Variants in COX7B observed in about 807,000 individuals in gnomAD.
COX7B encodes cytochrome c oxidase subunit 7B, mitochondrial.
In COX7B, 2 loss-of-function variants were observed where a neutral mutation model predicts 7.9. That is an observed-to-expected ratio of 0.25 (90% CI 0.10 to 0.79). The LOEUF (loss-of-function observed/expected upper bound fraction) is 0.79, where lower values mean the gene tolerates loss of function less well. COX7B is among the 30% of genes least tolerant of loss of function. The pLI is 0.69. For missense variants in COX7B, 54 were observed against 62.7 expected, an observed-to-expected ratio of 0.86 and a Z score of 0.47; for synonymous variants, 19 against 21.1, an observed-to-expected ratio of 0.90 and a Z score of 0.27.
intron 1 of COX7B, among the ~76,000 whole-genome samples, chrX:77,900,330 A>G (rs1249095873): frequency 8.9e-6 from 1 of 112,053 alleles, no homozygotes; most frequent in African/African-American, 3.2e-5. Flanking sequence ...CTGCTACTGC[A>G]CTCCAGCCTG....
At chrX:77,899,668 C>T in intron 1 of COX7B, 75 bp downstream of exon 1, 1 of 982,884 alleles carries the variant, frequency 1.0e-6, no homozygotes, top group East Asian at 3.1e-5. Flanking sequence ...GTGTGCTTTC[C>T]TTTTACGAAC....
rs1557221030 is a variant in COX7B, at chrX:77,905,275, T to C, written c.*14T>C. On this transcript the variant is annotated 3_prime_UTR_variant, in exon 3 of 3. Coordinates refer to ENST00000650309, the MANE Select transcript of COX7B (RefSeq NM_001866.3). ...AGGAATCAGTAATCATCCCAGCTGG[T>C]GTAATAATGAATTGTTTAAAAAACA... The C allele has an allele frequency of 8.6e-7, 1 of 1,169,280 alleles. No individual in the cohort carries two copies. Among genetic ancestry groups the C allele is most frequent in the Non-Finnish European group, 1.2e-6 (1 of 858,657 alleles).
rs1009278157 is a variant in COX7B, at chrX:77,906,991, G to T, written c.*1730G>T. Reference sequence around the variant, plus strand: ...TGGTAGTTGTTTTGTTTTGTTTTTTGTTTTTTTTTTGTAGTTTTCTTGATC... The same window carrying T: ...TGGTAGTTGTTTTGTTTTGTTTTTTTTTTTTTTTTTGTAGTTTTCTTGATC... On this transcript the variant is annotated 3_prime_UTR_variant, in exon 3 of 3. Coordinates refer to ENST00000650309, the MANE Select transcript of COX7B (RefSeq NM_001866.3). The T allele has an allele frequency of 9.6e-6, 1 of 103,924 alleles. No individual in the cohort carries two copies. Among genetic ancestry groups the T allele is most frequent in the African/African-American group, 3.5e-5 (1 of 28,557 alleles). The allele number at this position is 103,924 out of a possible 1,213,427, so 8.6% of individuals were successfully genotyped here.
At position 77,905,205 on chromosome X, in the gene COX7B, G is replaced by C; in HGVS notation, c.187G>C (p.Glu63Gln). The C allele has an allele frequency of 8.3e-7, 1 of 1,209,949 alleles. No homozygotes were observed. Among genetic ancestry groups the C allele is most frequent in the South Asian group, 1.8e-5 (1 of 56,957 alleles). ...ACAGGTAGCAACACAAGTCGGAATA[G>C]AATGGAACCTGTCCCCTGTTGGCAG... Reference protein sequence around the residue: ...WTYVATQVGIEWNLSPVGRVT... With the variant: ...WTYVATQVGIQWNLSPVGRVT... Residue 63 changes from glutamate to glutamine, a missense_variant, in exon 3 of 3, where the codon GAA becomes CAA. Transcript: ENST00000650309.
At chrX:77,900,973 T>C (rs1195055141) in intron 1 of COX7B, among the ~76,000 whole-genome samples, 1 of 112,176 alleles carries the variant, frequency 8.9e-6, no homozygotes, top group Non-Finnish European at 1.9e-5. Context: ...TTAATTTCTT[T>C]GCTCTTTGAG....
At position 77,899,628 on chromosome X, in the gene COX7B, C is replaced by G. The variant is rs782351434; in HGVS notation, c.40+35C>G. 3 of 1,187,631 alleles carry G rather than the reference C, an allele frequency of 2.5e-6. No individual in the cohort carries two copies. The Admixed American group carries it at 6.6e-5, about 26-fold the overall frequency. On this transcript the variant is annotated intron_variant, in intron 1 of 2. Transcript: ENST00000650309. Reference sequence around the variant, plus strand: ...AATTATGACAAATCATTTACAACAACCTTATATCAATGTGTCCTCGCGGCC... The same window carrying G: ...AATTATGACAAATCATTTACAACAAGCTTATATCAATGTGTCCTCGCGGCC...
intron 2 of COX7B, among the ~76,000 whole-genome samples, chrX:77,904,868 T>C (rs782472835): frequency 2.7e-5 from 3 of 111,825 alleles, no homozygotes; most frequent in Non-Finnish European, 5.6e-5. Flanking sequence ...TTAAATAAAA[T>C]TTAAAAATTC....
chrX:77,901,940 T>C (rs1346385428), intron 1 of COX7B: 26 of 111,475 alleles, frequency 2.3e-4, no homozygotes, highest in Non-Finnish European at 3.0e-4. Flanking sequence ...CTCACTATGT[T>C]TCACAGACTG....
intron 1 of COX7B, among the ~76,000 whole-genome samples, chrX:77,900,681 A>G (rs1426904289): frequency 8.9e-6 from 1 of 112,850 alleles, no homozygotes; most frequent in African/African-American, 3.2e-5. Context: ...AACTTTGAAA[A>G]TAACCACAAA....
rs927666304 is a variant in COX7B at position 77,907,095 on chromosome X, A to G, written c.*1834A>G. 2.7e-5 allele frequency: 3 copies of G among 111,342 alleles called. No homozygotes were observed. The South Asian group carries it at 1.1e-3, about 42-fold the overall frequency. 9.2% of individuals were successfully genotyped at this position (111,342 alleles called of 1,213,427 possible). ...CTAAATTATCTTTTGCTTATTACATAGAGTGCTAGAAGTATGCTGTCATGG... is the reference window on the plus strand; with the variant it reads ...CTAAATTATCTTTTGCTTATTACATGGAGTGCTAGAAGTATGCTGTCATGG... On this transcript the variant is annotated 3_prime_UTR_variant, in exon 3 of 3. Transcript: ENST00000650309.
intron 1 of COX7B, among the ~76,000 whole-genome samples, chrX:77,901,021 G>T (rs782323347): frequency 1.9e-5 from 2 of 107,442 alleles, no homozygotes; most frequent in Non-Finnish European, 3.9e-5. Context: ...AAGGTTTTTT[G>T]TTTTTTTTTC....
At position 77,902,677 on chromosome X, in the gene COX7B, C is replaced by T. The variant is rs782264229; in HGVS notation, c.75C>T (p.Ser25=). ...TTCAGCAAACAATGGCAAGGCAGAG[C>T]CACCAGAAACGTACACCTGATTTTC... The part of the protein sequence containing the change: ...RSIQQTMARQ[S]HQKRTPDFHD... The change falls in exon 2 of 3, where the codon AGC becomes AGT. Residue 25 remains serine (S), a synonymous_variant. Transcript: ENST00000650309. 8.3e-7 allele frequency: 1 copy of T among 1,208,781 alleles called. No individual in the cohort carries two copies. Among genetic ancestry groups the T allele is most frequent in the Admixed American group, 2.2e-5 (1 of 45,985 alleles).
At chrX:77,899,639 T>C in intron 1 of COX7B, 46 bp downstream of exon 1, 1 of 1,155,276 alleles carries the variant, frequency 8.7e-7, no homozygotes, top group Non-Finnish European at 1.2e-6. Flanking sequence ...CTTATATCAA[T>C]GTGTCCTCGC....
At position 77,905,293 on chromosome X, in the gene COX7B, A is replaced by G. The variant is rs373951997; in HGVS notation, c.*32A>G. ...CAGCTGGTGTAATAATGAATTGTTT[A>G]AAAAACAGCTCATAATTGATGCCAA... On this transcript the variant is annotated 3_prime_UTR_variant, in exon 3 of 3. Coordinates refer to ENST00000650309, the MANE Select transcript of COX7B (RefSeq NM_001866.3). The G allele has an allele frequency of 1.0e-4, 108 of 1,074,498 alleles. No homozygotes were observed. The African/African-American group carries it at 1.5e-3, about 15-fold the overall frequency. 88.6% of individuals were successfully genotyped at this position (1,074,498 alleles called of 1,213,427 possible).
At position 77,905,888 on chromosome X, in the gene COX7B, T is replaced by A. The variant is rs1603367428; in HGVS notation, c.*627T>A. Reference sequence around the variant, plus strand: ...GGCTGGTCTCGAGCTCCTGATCTCGTGATCCACCCACCTTGGTCTCCCAAA... The same window carrying A: ...GGCTGGTCTCGAGCTCCTGATCTCGAGATCCACCCACCTTGGTCTCCCAAA... On this transcript the variant is annotated 3_prime_UTR_variant, in exon 3 of 3. Coordinates refer to ENST00000650309, the MANE Select transcript of COX7B (RefSeq NM_001866.3). 9.0e-6 allele frequency: 1 copy of A among 110,857 alleles called. No individual in the cohort carries two copies. Among genetic ancestry groups the A allele is most frequent in the African/African-American group, 3.3e-5 (1 of 30,531 alleles). 9.1% of individuals were successfully genotyped at this position (110,857 alleles called of 1,213,427 possible).
chrX:77,902,982 C>A, intron 2 of COX7B: 1 of 300,935 alleles, frequency 3.3e-6, no homozygotes, highest in Admixed American at 5.7e-5. Flanking sequence ...CTTACTGGAT[C>A]ACAAGGCAGC....
chrX:77,900,672 A>T (rs782029555), intron 1 of COX7B, among the ~76,000 whole-genome samples: 2 of 112,816 alleles, frequency 1.8e-5, no homozygotes, highest in South Asian at 7.2e-4. Flanking sequence ...CTCTTAAGCA[A>T]CTTTGAAAAT....
At position 77,905,894 on chromosome X, in the gene COX7B, A is replaced by G. The variant is rs1370474139; in HGVS notation, c.*633A>G. 9.1e-6 allele frequency: 1 copy of G among 109,656 alleles called. No individual in the cohort carries two copies. The highest frequency in any genetic ancestry group is 1.9e-5 in the Non-Finnish European group (1 of 52,661). 9.0% of individuals were successfully genotyped at this position (109,656 alleles called of 1,213,427 possible). A position where few individuals can be genotyped will look rare whatever the true frequency, so the allele number is the denominator to read the frequency against. On this transcript the variant is annotated 3_prime_UTR_variant, in exon 3 of 3. Coordinates refer to ENST00000650309, the MANE Select transcript of COX7B (RefSeq NM_001866.3). Reference sequence around the variant, plus strand: ...TCTCGAGCTCCTGATCTCGTGATCCACCCACCTTGGTCTCCCAAAGTGCTG... The same window carrying G: ...TCTCGAGCTCCTGATCTCGTGATCCGCCCACCTTGGTCTCCCAAAGTGCTG...
chrX:77,902,841 C>T, intron 2 of COX7B, 74 bp downstream of exon 2: 1 of 1,018,690 alleles, frequency 9.8e-7, no homozygotes, highest in East Asian at 3.1e-5. Flanking sequence ...AGTGTCTTAA[C>T]ATAGTAGTGT....
Sources: allele counts gnomAD v4.1 joint callset (sites outside exome capture counted in the v4.1 genomes callset), GRCh38; gene constraint gnomAD v4.1.1; transcripts MANE v1.5; gene names NCBI Gene and HGNC (gene_info 2026-07-23, HGNC 2026-07-21).